ATP11C: variants seen among roughly 807,000 people sequenced by gnomAD.
ATP11C encodes the protein phospholipid-transporting ATPase IG.
Under a neutral mutation model 97.4 loss-of-function variants are expected in ATP11C, and 36 were observed. The observed-to-expected ratio is 0.37, with a 90% confidence interval of 0.28 to 0.49. The LOEUF (loss-of-function observed/expected upper bound fraction) is 0.49. Ranked by LOEUF, ATP11C falls within the 20% of genes least tolerant of loss-of-function variation. The pLI, the probability that ATP11C is intolerant of heterozygous loss-of-function variation, is 0.98. For missense variants in ATP11C, 730 were observed against 824.6 expected (o/e 0.89, Z 1.40); for synonymous variants, 275 against 290.9 (o/e 0.95, Z 0.56).
intron 6 of ATP11C, 109 bp downstream of exon 6, chrX:139,804,362 A>C (rs926204493): frequency 1.4e-5 from 9 of 623,451 alleles, no homozygotes; most frequent in African/African-American, 9.4e-5. Context: ...ATAAAACCTA[A>C]GAAAAAATAA....
Position 139,839,002 on chromosome X carries a change from C to T in ATP11C, c.28-12179G>A, listed in dbSNP as rs185497372. Among the ~76,000 whole-genome samples the T allele has an allele frequency of 3.3e-3, 362 of 110,152 alleles. 2 individuals are homozygous for T. Among genetic ancestry groups the T allele is most frequent in the Non-Finnish European group, 5.7e-3 (300 of 52,772 alleles). On this transcript the variant is annotated intron_variant, in intron 1 of 29. Transcript: ENST00000682941. ...TGTCCATAACTGATGAATGGATAAA[C>T]ACAATGTGGTATATCCATACAATGA... is the stretch of plus-strand genomic sequence containing the variant.
chrX:139,801,841 A>T (rs1186362752), intron 7 of ATP11C, among the ~76,000 whole-genome samples: 2 of 111,967 alleles, frequency 1.8e-5, no homozygotes, highest in Non-Finnish European at 3.8e-5. Context: ...GAAAGGATAG[A>T]ACCTACTAAT....
chrX:139,777,175 G>C (rs907453376), intron 18 of ATP11C, among the ~76,000 whole-genome samples: 1 of 110,646 alleles, frequency 9.0e-6, no homozygotes, highest in Admixed American at 9.6e-5. Context: ...AATAATACAG[G>C]CTAACCAGAA....
intron 1 of ATP11C, chrX:139,924,068 G>GT (rs1336051922): frequency 2.7e-6 from 1 of 369,465 alleles, no homozygotes; most frequent in Non-Finnish European, 5.6e-6. Context: ...ATGCAAATGA[G>GT]TATTAGGACT....
intron 9 of ATP11C, 22 bp from the exon 10 acceptor site, chrX:139,798,376 T>TA (rs2042542050): frequency 5.3e-6 from 6 of 1,123,103 alleles, no homozygotes; most frequent in African/African-American, 3.6e-5. Flanking sequence ...CAGAATATAA[T>TA]AAAAACTAAG....
rs141417408 is a variant in ATP11C, at chrX:139,917,009, C to T, written c.27+15007G>A. 9.9e-3 allele frequency among the ~76,000 whole-genome samples: 1,100 copies of T among 111,466 alleles called. 13 individuals are homozygous for T. Among genetic ancestry groups the T allele is most frequent in the Middle Eastern group, 0.014 (3 of 216 alleles). ...ATCTTTAACAAGGGTGCCAAAACCA[C>T]TCAGTGGGGGAAAAGAGTCTTCTCT... On this transcript the variant is annotated intron_variant, in intron 1 of 29. Coordinates refer to ENST00000682941, the MANE Select transcript of ATP11C (RefSeq NM_001353812.2).
intron 1 of ATP11C, among the ~76,000 whole-genome samples, chrX:139,862,707 CAA>C (rs966140918): frequency 1.8e-5 from 2 of 111,466 alleles, no homozygotes; most frequent in Admixed American, 1.9e-4. Context: ...CTAAATCACT[CAA>C]AGTCTTCCAC....
At chrX:139,754,292 T>C (rs1251606866) in intron 23 of ATP11C, among the ~76,000 whole-genome samples, 1 of 110,689 alleles carries the variant, frequency 9.0e-6, no homozygotes, top group Non-Finnish European at 1.9e-5. Flanking sequence ...ACCAGAGATT[T>C]CCTGAATCCC....
chrX:139,787,529 C>A (rs1357019773), intron 14 of ATP11C, among the ~76,000 whole-genome samples: 1 of 112,291 alleles, frequency 8.9e-6, no homozygotes, highest in Admixed American at 9.4e-5. Flanking sequence ...AACTCCTGAC[C>A]TCAGGTGATC....
intron 1 of ATP11C, among the ~76,000 whole-genome samples, chrX:139,914,212 G>A (rs1028726765): frequency 8.9e-6 from 1 of 112,031 alleles, no homozygotes; most frequent in African/African-American, 3.2e-5. Context: ...TCTTGGAAAA[G>A]CCACTTACCC....
intron 1 of ATP11C, among the ~76,000 whole-genome samples, chrX:139,899,883 T>A (rs964791903): frequency 9.0e-6 from 1 of 111,610 alleles, no homozygotes; most frequent in Non-Finnish European, 1.9e-5. Flanking sequence ...CTATGGCTCA[T>A]CTAATAGTCA....
At chrX:139,837,137 C>G (rs2147915316) in intron 1 of ATP11C, among the ~76,000 whole-genome samples, 1 of 111,606 alleles carries the variant, frequency 9.0e-6, no homozygotes, top group East Asian at 2.8e-4. Context: ...CCAAACCACC[C>G]TCAAACCAAA....
chrX:139,814,814 A>C (rs1406656839), intron 5 of ATP11C, 64 bp downstream of exon 5: 2 of 640,186 alleles, frequency 3.1e-6, no homozygotes, highest in Non-Finnish European at 4.6e-6. Context: ...AAATGACACT[A>C]AATTATACAC....
At position 139,738,537 on chromosome X, in the gene ATP11C, T is replaced by C. The variant is rs150730628; in HGVS notation, c.3135-468A>G. Among the ~76,000 whole-genome samples, 687 of 112,051 alleles carry C rather than the reference T, an allele frequency of 6.1e-3. 10 individuals are homozygous for C. Among genetic ancestry groups the C allele is most frequent in the African/African-American group, 0.02 (631 of 30,928 alleles). ...CACTATGTAAATATAAAAAGGACAG[T>C]AGAAGCTTATCATCTCTCTCAAATG... On this transcript the variant is annotated intron_variant, in intron 27 of 29. Transcript: ENST00000682941.
Position 139,757,842 on chromosome X carries a change from A to T in ATP11C, c.2666T>A (p.Phe889Tyr), listed in dbSNP as rs752139499. The change falls in exon 23 of 30, where the codon TTT becomes TAT. Residue 889 changes from phenylalanine to tyrosine, a missense_variant. Phe to Tyr is a conservative substitution (Grantham distance 22). Coordinates refer to ENST00000682941, the MANE Select transcript of ATP11C (RefSeq NM_001353812.2). The stretch of plus-strand genomic sequence containing the variant: ...GAATCCACAGAAGAACTGGTACAAA[A>T]ACTGTGGCAAAATGAAACAAAGGTT... ...YKNLCFILPQFLYQFFCGFSQ... is the reference protein window; with the variant it reads ...YKNLCFILPQYLYQFFCGFSQ... 2.5e-6 allele frequency: 3 copies of T among 1,190,417 alleles called. No individual in the cohort carries two copies. The highest frequency in any genetic ancestry group is 3.8e-5 in the South Asian group (2 of 52,494).
intron 18 of ATP11C, among the ~76,000 whole-genome samples, chrX:139,775,885 T>A (rs56195147): frequency 5.3e-5 from 6 of 112,287 alleles, no homozygotes; most frequent in African/African-American, 2.0e-4. Flanking sequence ...TCTCTGCCCT[T>A]GAGTTATCAT....
intron 1 of ATP11C, among the ~76,000 whole-genome samples, chrX:139,828,396 A>G (rs946020083): frequency 9.0e-6 from 1 of 111,696 alleles, no homozygotes; most frequent in Non-Finnish European, 1.9e-5. Context: ...TACTGATAAG[A>G]GCACCAAATT....
upstream of ATP11C, among the ~76,000 whole-genome samples, chrX:139,934,771 T>A (rs2085508208): frequency 9.0e-6 from 1 of 110,618 alleles, no homozygotes; most frequent in African/African-American, 3.3e-5. Flanking sequence ...CAGGTCTCGA[T>A]CTCCTGACCT....
At chrX:139,737,430 T>C (rs753361893) in intron 28 of ATP11C, among the ~76,000 whole-genome samples, 1 of 110,832 alleles carries the variant, frequency 9.0e-6, no homozygotes, top group South Asian at 3.8e-4. Flanking sequence ...GGTTCAAATA[T>C]ACTGCTGGAC....
Sources: gnomAD v4.1 joint callset for allele counts (sites outside exome capture counted in the v4.1 genomes callset) on GRCh38, gnomAD v4.1.1 for gene constraint, MANE v1.5 for transcripts, NCBI Gene and HGNC (gene_info 2026-07-23, HGNC 2026-07-21) for gene names.